PRR16: variants seen among roughly 807,000 people sequenced by gnomAD.
PRR16 encodes the protein proline rich 16, also known as protein Largen.
PRR16 carries 6 observed loss-of-function variants against 18.2 expected under a neutral mutation model. That is an observed-to-expected ratio of 0.33 (90% CI 0.18 to 0.65). The LOEUF (loss-of-function observed/expected upper bound fraction) is 0.65. Ranked by LOEUF, PRR16 falls within the 30% of genes least tolerant of loss-of-function variation. The pLI is 0.74. For missense variants in PRR16, 412 were observed against 376.6 expected (o/e 1.09, Z -0.78); for synonymous variants, 151 against 147.8 (o/e 1.02, Z -0.16).
chr5:120,647,236 AATTATTC>A (rs1296716244), intron 1 of PRR16, among the ~76,000 whole-genome samples: 1 of 151,984 alleles, frequency 6.6e-6, no homozygotes, highest in African/African-American at 2.4e-5. Flanking sequence ...TTTGCCTAAC[AATTATTC>A]AGTTGTTGCC....
At chr5:120,750,810 T>A in the PRR16 span, among the ~76,000 whole-genome samples, 1 of 152,174 alleles carries the variant, frequency 6.6e-6, no homozygotes, top group Non-Finnish European at 1.5e-5. Flanking sequence ...TTTATGGTGT[T>A]GGGAATATTC....
chr5:120,685,663 A>C (rs778672250), intron 1 of PRR16, among the ~76,000 whole-genome samples: 1 of 152,188 alleles, frequency 6.6e-6, no homozygotes, highest in Non-Finnish European at 1.5e-5. Flanking sequence ...ATATTCCTGC[A>C]TCAGGTTTCA....
intron 1 of PRR16, among the ~76,000 whole-genome samples, chr5:120,568,566 A>G (rs1752806513): frequency 6.6e-6 from 1 of 152,196 alleles, no homozygotes; most frequent in Non-Finnish European, 1.5e-5. Context: ...CCACCTAATC[A>G]AGGGAACCCA....
At chr5:120,726,523 G>A in the PRR16 span, among the ~76,000 whole-genome samples, 2 of 151,866 alleles carry the variant, frequency 1.3e-5, no homozygotes, top group East Asian at 1.9e-4. Flanking sequence ...AACAGAAATG[G>A]CATGCAGATG....
At chr5:120,572,131 G>A (rs541145408) in intron 1 of PRR16, among the ~76,000 whole-genome samples, 64 of 152,242 alleles carry the variant, frequency 4.2e-4, no homozygotes, top group African/African-American at 1.5e-3. Flanking sequence ...TACTGTATTG[G>A]TCAAAGGAGT....
chr5:120,685,989 A>G lies in PRR16; in HGVS notation c.195A>G (p.Leu65=). Residue 65 remains leucine, a synonymous_variant, in exon 2 of 2, where the codon CTA becomes CTG. Coordinates refer to ENST00000407149, the MANE Select transcript of PRR16 (RefSeq NM_001300783.2). The stretch of plus-strand genomic sequence containing the variant: ...AGATTGACACCCTGACCTCTGACCT[A>G]CAGCTGGAGGATGAGATGACTGACA... The part of the protein sequence containing the change: ...VDQIDTLTSD[L]QLEDEMTDSS... The G allele has an allele frequency of 6.2e-7, 1 of 1,614,016 alleles. No homozygotes were observed. Among genetic ancestry groups the G allele is most frequent in the South Asian group, 1.1e-5 (1 of 91,060 alleles).
chr5:120,718,356 T>A, the PRR16 span, among the ~76,000 whole-genome samples: 2 of 152,080 alleles, frequency 1.3e-5, no homozygotes, highest in Admixed American at 6.6e-5. Flanking sequence ...GACACACAAC[T>A]CTGGGAATGG....
At chr5:120,635,827 C>T (rs1300536966) in intron 1 of PRR16, among the ~76,000 whole-genome samples, 6 of 152,100 alleles carry the variant, frequency 3.9e-5, no homozygotes, top group Non-Finnish European at 8.8e-5. Flanking sequence ...GGAAGTCAAA[C>T]TGGTGCTGTT....
At chr5:120,559,837 G>A (rs1464325684) in intron 1 of PRR16, among the ~76,000 whole-genome samples, 1 of 151,720 alleles carries the variant, frequency 6.6e-6, no homozygotes, top group Non-Finnish European at 1.5e-5. Flanking sequence ...TCTTTCATCA[G>A]TATTTTATAG....
At chr5:120,583,053 G>A (rs1223554784) in intron 1 of PRR16, among the ~76,000 whole-genome samples, 2 of 152,190 alleles carry the variant, frequency 1.3e-5, no homozygotes, top group Non-Finnish European at 2.9e-5. Context: ...AGGCCCATGT[G>A]GGGCATCTTC....
chr5:120,584,452 T>C (rs1561558330), intron 1 of PRR16, among the ~76,000 whole-genome samples: 1 of 152,186 alleles, frequency 6.6e-6, no homozygotes, highest in Non-Finnish European at 1.5e-5. Context: ...CACAGTTGAT[T>C]AATAGACTAA....
chr5:120,557,948 G>A (rs960272953), intron 1 of PRR16, among the ~76,000 whole-genome samples: 4 of 151,792 alleles, frequency 2.6e-5, no homozygotes, highest in African/African-American at 4.8e-5. Flanking sequence ...AGATTTAATA[G>A]CACAAAGTAT....
At chr5:120,709,611 G>A in the PRR16 span, among the ~76,000 whole-genome samples, 1 of 151,866 alleles carries the variant, frequency 6.6e-6, no homozygotes, top group Non-Finnish European at 1.5e-5. Context: ...TTTTGTACCT[G>A]TTAACCAAAC....
the PRR16 span, among the ~76,000 whole-genome samples, chr5:120,745,860 G>A: frequency 5.4e-5 from 7 of 129,838 alleles, no homozygotes; most frequent in South Asian, 2.4e-4. Flanking sequence ...CACCACGCCC[G>A]GGTAATTTTT....
chr5:120,591,068 A>G (rs1284320242), intron 1 of PRR16, among the ~76,000 whole-genome samples: 1 of 152,018 alleles, frequency 6.6e-6, no homozygotes, highest in East Asian at 1.9e-4. Flanking sequence ...TCACAAGGTC[A>G]GGAGTTTGAG....
intron 1 of PRR16, among the ~76,000 whole-genome samples, chr5:120,560,273 C>T (rs1752535237): frequency 6.6e-6 from 1 of 151,898 alleles, no homozygotes; most frequent in Non-Finnish European, 1.5e-5. Flanking sequence ...AGCTGTGGGT[C>T]TCCCATATGT....
At chr5:120,700,256 G>A in the PRR16 span, among the ~76,000 whole-genome samples, 57 of 152,230 alleles carry the variant, frequency 3.7e-4, no homozygotes, top group African/African-American at 1.2e-3. Flanking sequence ...AGAGTTTATA[G>A]GCTTTAAAAG....
intron 1 of PRR16, among the ~76,000 whole-genome samples, chr5:120,514,862 A>G (rs186909205): frequency 1.3e-5 from 2 of 152,146 alleles, no homozygotes; most frequent in East Asian, 1.9e-4. Context: ...GTTTATGGCA[A>G]TTTGGGTTTT....
chr5:120,481,201 G>A, intron 1 of PRR16: 3 of 791,418 alleles, frequency 3.8e-6, no homozygotes, highest in Non-Finnish European at 5.5e-6. Flanking sequence ...AGGCTAGAGT[G>A]CAATGGCACA....
Sources: gnomAD v4.1 joint callset for allele counts (sites outside exome capture counted in the v4.1 genomes callset) on GRCh38, gnomAD v4.1.1 for gene constraint, MANE v1.5 for transcripts, NCBI Gene and HGNC (gene_info 2026-07-23, HGNC 2026-07-21) for gene names.